TASP1: variants seen among roughly 807,000 people sequenced by gnomAD.
TASP1 encodes the protein taspase 1, also known as threonine aspartase 1.
Under a neutral mutation model 56.6 loss-of-function variants are expected in TASP1, and 16 were observed. The observed-to-expected ratio is 0.28, with a 90% CI of 0.19 to 0.43. The LOEUF (loss-of-function observed/expected upper bound fraction) is 0.43, where lower values mean the gene tolerates loss of function less well. TASP1 is among the 20% of genes least tolerant of loss of function. The pLI, the probability that TASP1 is intolerant of heterozygous loss-of-function variation, is 1.00. For missense variants in TASP1, 393 were observed against 511.6 expected (o/e 0.77, Z 2.24); for synonymous variants, 179 against 184.2 (o/e 0.97, Z 0.23).
At chr20:13,247,517 G>GGGGGGTGTGTGTGTGT in the TASP1 span, among the ~76,000 whole-genome samples, 2 of 139,806 alleles carry the variant, frequency 1.4e-5, no homozygotes, top group African/African-American at 5.4e-5. Flanking sequence ...CAAAGTGAGG[G>GGGGGGTGTGTGTGTGT]GTGTGTGTGT....
At chr20:13,168,702 C>T in the TASP1 span, 1 of 152,136 alleles carries the variant, frequency 6.6e-6, no homozygotes, top group Non-Finnish European at 1.5e-5. Flanking sequence ...GAAACATTAA[C>T]TCTTAAATAT....
chr20:13,576,348 A>AG (rs1220160759), intron 6 of TASP1, among the ~76,000 whole-genome samples: 49 of 94,674 alleles, frequency 5.2e-4, no homozygotes, highest in Middle Eastern at 4.9e-3. Flanking sequence ...AAAGGAAGAA[A>AG]GAAAGAAAGA....
chr20:13,333,860 G>A, the TASP1 span, among the ~76,000 whole-genome samples: 1 of 152,132 alleles, frequency 6.6e-6, no homozygotes, highest in African/African-American at 2.4e-5. Context: ...AAGATTGTCA[G>A]GTTAAACATC....
the TASP1 span, among the ~76,000 whole-genome samples, chr20:13,245,994 G>A: frequency 2.6e-5 from 4 of 152,210 alleles, no homozygotes; most frequent in Non-Finnish European, 5.9e-5. Flanking sequence ...TGGGCTGGGC[G>A]CTGTGGCTCA....
chr20:13,424,049 C>T (rs1036496612), intron 12 of TASP1, among the ~76,000 whole-genome samples: 2 of 152,148 alleles, frequency 1.3e-5, no homozygotes, highest in Admixed American at 1.3e-4. Flanking sequence ...GCAAAATCTG[C>T]TATGTTCAAA....
chr20:13,317,979 G>A, the TASP1 span, among the ~76,000 whole-genome samples: 1 of 151,882 alleles, frequency 6.6e-6, no homozygotes, highest in Non-Finnish European at 1.5e-5. Context: ...TTTGTTCTGT[G>A]AAAGACACTG....
In TASP1 at chr20:13,524,776, C is replaced by T. The variant is rs117158315; in HGVS notation, c.874+3657G>A. Reference sequence around the variant, plus strand: ...CCTCCAGGCATTACATGCCTGGTGGCAGTAGTGACAGAGCTGCCACTGCCT... The same window carrying T: ...CCTCCAGGCATTACATGCCTGGTGGTAGTAGTGACAGAGCTGCCACTGCCT... On this transcript the variant is annotated intron_variant, in intron 10 of 13. Coordinates refer to ENST00000337743, the MANE Select transcript of TASP1 (RefSeq NM_017714.3). Among the ~76,000 whole-genome samples the T allele has an allele frequency of 7.9e-3, 1,210 of 152,244 alleles. 6 individuals carry two copies. The highest frequency in any genetic ancestry group is 0.013 in the Non-Finnish European group (865 of 68,014).
intron 5 of TASP1, among the ~76,000 whole-genome samples, chr20:13,581,716 A>AATG (rs1219951561): frequency 6.6e-6 from 1 of 152,342 alleles, no homozygotes; most frequent in African/African-American, 2.4e-5. Context: ...TGATGACGAC[A>AATG]ATGATGATGA....
In TASP1 at chr20:13,446,747, C is replaced by G. The variant is rs2043427269; in HGVS notation, c.986-11593G>C. On this transcript the variant is annotated intron_variant, in intron 11 of 13. Transcript: ENST00000337743. ...CTTTCTGAAATTATCCATATGTAAT[C>G]TGGGCATTTTTAAAACTTTTCATTC... 1.3e-5 allele frequency among the ~76,000 whole-genome samples: 2 copies of G among 152,120 alleles called. 1 individual carries two copies. Among genetic ancestry groups the G allele is most frequent in the Admixed American group, 1.3e-4 (2 of 15,248 alleles).
At chr20:13,340,836 T>A in the TASP1 span, among the ~76,000 whole-genome samples, 1 of 152,348 alleles carries the variant, frequency 6.6e-6, no homozygotes, top group East Asian at 1.9e-4. Flanking sequence ...ATAATGATAA[T>A]AATACATTAT....
At chr20:13,524,433 T>C (rs2044892633) in intron 10 of TASP1, among the ~76,000 whole-genome samples, 1 of 152,146 alleles carries the variant, frequency 6.6e-6, no homozygotes, top group Admixed American at 6.6e-5. Flanking sequence ...GAATAATCTG[T>C]TTGAAAAAGT....
the TASP1 span, chr20:13,160,154 G>A: frequency 3.6e-5 from 58 of 1,609,338 alleles, no homozygotes; most frequent in South Asian, 5.5e-5. Context: ...ACAGGCCAAC[G>A]GGATCTCAGT....
intron 8 of TASP1, among the ~76,000 whole-genome samples, chr20:13,550,787 G>A (rs1370849704): frequency 1.3e-5 from 2 of 152,036 alleles, no homozygotes; most frequent in African/African-American, 4.8e-5. Context: ...TCTAGATTAT[G>A]CCATGCATTC....
At chr20:13,319,669 T>A in the TASP1 span, among the ~76,000 whole-genome samples, 1 of 152,222 alleles carries the variant, frequency 6.6e-6, no homozygotes, top group East Asian at 1.9e-4. Flanking sequence ...CTATAATGCC[T>A]AAAGAAACAT....
chr20:13,544,317 C>T (rs2045728444), intron 8 of TASP1, among the ~76,000 whole-genome samples: 1 of 152,124 alleles, frequency 6.6e-6, no homozygotes, highest in South Asian at 2.1e-4. Flanking sequence ...TATTTTACTC[C>T]AAAGTTTCTT....
At chr20:13,587,210 C>T in intron 5 of TASP1, 40 bp downstream of exon 5, 1 of 1,576,396 alleles carries the variant, frequency 6.3e-7, no homozygotes, top group Non-Finnish European at 8.6e-7. Flanking sequence ...TGGTCACGTG[C>T]ATGATTTTCC....
chr20:13,332,229 C>T, the TASP1 span, among the ~76,000 whole-genome samples: 1 of 152,130 alleles, frequency 6.6e-6, no homozygotes, highest in Non-Finnish European at 1.5e-5. Flanking sequence ...GTTGGGCCAA[C>T]TATGTATGTT....
chr20:13,566,818 A>G (rs1311281643), intron 7 of TASP1, among the ~76,000 whole-genome samples: 2 of 152,184 alleles, frequency 1.3e-5, no homozygotes, highest in Non-Finnish European at 2.9e-5. Flanking sequence ...GTGCTTACAC[A>G]CTGCTGGTGG....
the TASP1 span, among the ~76,000 whole-genome samples, chr20:13,151,870 AG>A: frequency 6.6e-6 from 1 of 152,116 alleles, no homozygotes; most frequent in African/African-American, 2.4e-5. Flanking sequence ...CCTAAAGTGA[AG>A]GGGGCCCTAG....
Sources: allele counts gnomAD v4.1 joint callset (sites outside exome capture counted in the v4.1 genomes callset), GRCh38; gene constraint gnomAD v4.1.1; transcripts MANE v1.5; gene names NCBI Gene and HGNC (gene_info 2026-07-23, HGNC 2026-07-21).